The following UNC5D variants were observed in gnomAD, a reference collection of about 807,000 sequenced individuals.
UNC5D encodes the protein unc-5 netrin receptor D, also known as netrin receptor UNC5D.
UNC5D carries 39 observed loss-of-function variants against 105.4 expected under a neutral mutation model. The ratio of observed to expected loss-of-function variants is 0.37; its 90% CI spans 0.29 to 0.48. UNC5D has a LOEUF of 0.48. Among genes scored for constraint, UNC5D ranks in the 20% least tolerant of loss-of-function variants. UNC5D has a pLI of 0.98. For synonymous variants in UNC5D, 452 were observed against 450.4 expected (o/e 1.00, Z -0.04); for missense variants, 991 against 1,202.4 (o/e 0.82, Z 2.60).
chr8:35,795,502 G>A lies in UNC5D; in HGVS notation c.*4939G>A, dbSNP rs1299486913. The stretch of plus-strand genomic sequence containing the variant: ...GACAATATTTGAGGGGAGTTTATCA[G>A]CAGAATATCATGCCTTATGACCCCA... On this transcript the variant is annotated 3_prime_UTR_variant, in exon 17 of 17. Transcript: ENST00000404895. The A allele has an allele frequency of 6.6e-6, 1 of 152,122 alleles. No homozygotes were observed. Among genetic ancestry groups the A allele is most frequent in the South Asian group, 2.1e-4 (1 of 4,828 alleles). The allele number at this position is 152,122 out of a possible 1,614,324, so 9.4% of individuals were successfully genotyped here.
intron 7 of UNC5D, among the ~76,000 whole-genome samples, chr8:35,703,257 T>A (rs565018806): frequency 2.0e-5 from 3 of 152,140 alleles, no homozygotes; most frequent in Non-Finnish European, 4.4e-5. Context: ...AGCTATCGAT[T>A]GTTACATTTA....
At chr8:35,305,597 C>CTTTCTTTCTTTCA (rs1563297852) in intron 1 of UNC5D, among the ~76,000 whole-genome samples, 117 of 86,784 alleles carry the variant, frequency 1.3e-3, no homozygotes, top group African/African-American at 2.9e-3. Context: ...TTCTTTCTTT[C>CTTTCTTTCTTTCA]TTTCTTTCTT....
intron 1 of UNC5D, among the ~76,000 whole-genome samples, chr8:35,451,416 C>T (rs1191637991): frequency 6.6e-6 from 1 of 152,078 alleles, no homozygotes; most frequent in Non-Finnish European, 1.5e-5. Flanking sequence ...CATCATTAGG[C>T]ATGATTTTAA....
chr8:35,572,964 C>T (rs1254417697), intron 3 of UNC5D, among the ~76,000 whole-genome samples: 7 of 151,986 alleles, frequency 4.6e-5, no homozygotes, highest in East Asian at 3.9e-4. Flanking sequence ...CCACCACGCC[C>T]GGCTAATTTT....
chr8:35,363,969 T>G (rs1590093), intron 1 of UNC5D, among the ~76,000 whole-genome samples: 80,256 of 151,298 alleles, frequency 0.53, 21,985 homozygotes, highest in East Asian at 0.7. Context: ...GATCGCTTGA[T>G]GTCAGGAGTT....
intron 1 of UNC5D, among the ~76,000 whole-genome samples, chr8:35,331,592 GCTAGTCTTT>G (rs1810636670): frequency 6.6e-6 from 1 of 152,150 alleles, no homozygotes; most frequent in Non-Finnish European, 1.5e-5. Context: ...AGTCAGTCTT[GCTAGTCTTT>G]GAATATGGAC....
chr8:35,449,485 A>G (rs78663854), intron 1 of UNC5D, among the ~76,000 whole-genome samples: 3,545 of 152,178 alleles, frequency 0.023, 143 homozygotes, highest in African/African-American at 0.082. Context: ...CATCTTTTAT[A>G]GTGCTTTGGG....
At chr8:35,350,691 A>G (rs1241231916) in intron 1 of UNC5D, among the ~76,000 whole-genome samples, 1 of 151,922 alleles carries the variant, frequency 6.6e-6, no homozygotes, top group Non-Finnish European at 1.5e-5. Flanking sequence ...CCTATCTTCC[A>G]TCCTTTTTTT....
intron 8 of UNC5D, among the ~76,000 whole-genome samples, chr8:35,710,931 A>ATTTTTTTTTTTTTTTTTTT (rs1827896059): frequency 8.2e-6 from 1 of 122,026 alleles, no homozygotes; most frequent in African/African-American, 4.2e-5. Context: ...GCTCAGCATT[A>ATTTTTTTTTTTTTTTTTTT]TTCTTTTTTT....
intron 1 of UNC5D, among the ~76,000 whole-genome samples, chr8:35,376,245 C>G (rs955271470): frequency 3.3e-5 from 5 of 152,186 alleles, no homozygotes; most frequent in Non-Finnish European, 7.3e-5. Flanking sequence ...TTAGCAACAG[C>G]AACAGGAGAA....
At chr8:35,694,157 G>A (rs192887740) in intron 7 of UNC5D, among the ~76,000 whole-genome samples, 67 of 152,308 alleles carry the variant, frequency 4.4e-4, no homozygotes, top group Non-Finnish European at 8.7e-4. Flanking sequence ...GCTCGTCGGT[G>A]AGAGTGCAAA....
intron 13 of UNC5D, among the ~76,000 whole-genome samples, chr8:35,754,279 GC>G (rs1830414722): frequency 6.6e-6 from 1 of 152,168 alleles, no homozygotes; most frequent in Admixed American, 6.5e-5. Context: ...GAGCATTTCT[GC>G]AGAAATTGCC....
chr8:35,374,923 T>C (rs543253418), intron 1 of UNC5D, among the ~76,000 whole-genome samples: 1 of 152,298 alleles, frequency 6.6e-6, no homozygotes, highest in East Asian at 1.9e-4. Flanking sequence ...AAACGAACTT[T>C]CTAAGAAGAA....
chr8:35,636,975 G>A (rs761335904), intron 4 of UNC5D, among the ~76,000 whole-genome samples: 13 of 152,138 alleles, frequency 8.5e-5, no homozygotes, highest in East Asian at 1.9e-4. Context: ...CTGACTGCCC[G>A]TCAAATAACT....
chr8:35,687,112 C>G (rs1826056810), intron 7 of UNC5D, among the ~76,000 whole-genome samples: 2 of 152,106 alleles, frequency 1.3e-5, no homozygotes, highest in African/African-American at 4.8e-5. Flanking sequence ...CTTTAGAGAC[C>G]ATGGGTTCTG....
At position 35,792,233 on chromosome 8, in the gene UNC5D, T is replaced by A. The variant is rs1239350657; in HGVS notation, c.*1670T>A. On this transcript the variant is annotated 3_prime_UTR_variant, in exon 17 of 17. Coordinates refer to ENST00000404895, the MANE Select transcript of UNC5D (RefSeq NM_080872.4). The stretch of plus-strand genomic sequence containing the variant: ...ATAATAATAATGTTGTGAATCTCCA[T>A]GCCAAGTGAAAAAGGCCTAAAGATG... 2 of 152,130 alleles carry A rather than the reference T, an allele frequency of 1.3e-5. No homozygotes were observed. The highest frequency in any genetic ancestry group is 4.8e-5 in the African/African-American group (2 of 41,434). The allele number at this position is 152,130 out of a possible 1,614,324, so 9.4% of individuals were successfully genotyped here. A position where few individuals can be genotyped will look rare whatever the true frequency, so the allele number is the denominator to read the frequency against.
chr8:35,545,773 C>T (rs935035184), intron 1 of UNC5D, among the ~76,000 whole-genome samples: 3 of 151,918 alleles, frequency 2.0e-5, no homozygotes, highest in African/African-American at 4.8e-5. Flanking sequence ...TCTAGTAAAT[C>T]ATTTTCCTTC....
intron 1 of UNC5D, among the ~76,000 whole-genome samples, chr8:35,527,935 A>C (rs1377409922): frequency 6.6e-6 from 1 of 152,192 alleles, no homozygotes; most frequent in East Asian, 1.9e-4. Context: ...CGAATTGAGC[A>C]TCAGAATTTC....
chr8:35,312,137 G>A (rs185592177), intron 1 of UNC5D, among the ~76,000 whole-genome samples: 1 of 152,164 alleles, frequency 6.6e-6, no homozygotes, highest in Non-Finnish European at 1.5e-5. Flanking sequence ...TTAATTGAAT[G>A]CTGTCACAGC....
Sources: allele counts gnomAD v4.1 joint callset (sites outside exome capture counted in the v4.1 genomes callset), GRCh38; gene constraint gnomAD v4.1.1; transcripts MANE v1.5; gene names NCBI Gene and HGNC (gene_info 2026-07-23, HGNC 2026-07-21).